SPHKAP: variants seen among roughly 807,000 people sequenced by gnomAD.
SPHKAP encodes A-kinase anchor protein SPHKAP.
A neutral mutation model predicts 137.5 loss-of-function variants in SPHKAP; 67 were observed. The ratio of observed to expected loss-of-function variants is 0.49; its 90% CI spans 0.40 to 0.60. SPHKAP has a LOEUF of 0.60. SPHKAP is among the 20% of genes least tolerant of loss of function. SPHKAP has a pLI of 0.00. For synonymous variants in SPHKAP, 813 were observed against 785.3 expected (o/e 1.04, Z -0.59); for missense variants, 2,097 against 2,069.3 (o/e 1.01, Z -0.26).
chr2:228,154,712 C>T lies in SPHKAP; in HGVS notation c.33-22627G>A, dbSNP rs754121438. Among the ~76,000 whole-genome samples the T allele has an allele frequency of 1.4e-4, 14 of 101,238 alleles. 1 individual carries two copies. In the East Asian group the frequency reaches 4.4e-3, roughly 32 times the overall value. 66.4% of individuals were successfully genotyped at this position (101,238 alleles called of 152,430 possible). A position where few individuals can be genotyped will look rare whatever the true frequency, so the allele number is the denominator to read the frequency against. ...TACAGGCGCCTGCCACCATGCCTGG[C>T]TAATTTTTTTTTTTTTTTTTGTATT... is the stretch of plus-strand genomic sequence containing the variant. On this transcript the variant is annotated intron_variant, in intron 1 of 11. Transcript: ENST00000392056.
intron 7 of SPHKAP, among the ~76,000 whole-genome samples, chr2:228,001,819 G>T (rs1202975403): frequency 1.3e-5 from 2 of 151,966 alleles, no homozygotes; most frequent in East Asian, 3.9e-4. Context: ...AACGTGAAGT[G>T]TTTGGTTTTT....
At chr2:228,092,932 T>C (rs1489827730) in intron 3 of SPHKAP, among the ~76,000 whole-genome samples, 1 of 152,036 alleles carries the variant, frequency 6.6e-6, no homozygotes, top group East Asian at 1.9e-4. Context: ...GGTTGAGGGA[T>C]AAGAGACTAC....
intron 1 of SPHKAP, among the ~76,000 whole-genome samples, chr2:228,150,193 C>CT (rs1342494533): frequency 6.6e-6 from 1 of 152,106 alleles, no homozygotes; most frequent in East Asian, 1.9e-4. Context: ...ACAATATTAT[C>CT]TTTTTCACAC....
At chr2:228,080,577 G>C (rs1215830281) in intron 3 of SPHKAP, among the ~76,000 whole-genome samples, 1 of 151,994 alleles carries the variant, frequency 6.6e-6, no homozygotes, top group Non-Finnish European at 1.5e-5. Context: ...CATGTTGGTG[G>C]GCACTTGTAA....
chr2:228,056,585 A>AAT (rs1490461004), intron 3 of SPHKAP, among the ~76,000 whole-genome samples: 2 of 135,512 alleles, frequency 1.5e-5, no homozygotes, highest in African/African-American at 6.8e-5. Context: ...TAAATGAGCA[A>AAT]AAAAAAAAAA....
At chr2:228,138,949 C>T (rs1263278081) in intron 1 of SPHKAP, among the ~76,000 whole-genome samples, 1 of 138,524 alleles carries the variant, frequency 7.2e-6, no homozygotes, top group East Asian at 2.2e-4. Flanking sequence ...AATGTTGTTG[C>T]AGACCTGAGT....
intron 3 of SPHKAP, among the ~76,000 whole-genome samples, chr2:228,030,071 T>C (rs531931921): frequency 1.3e-5 from 2 of 152,164 alleles, no homozygotes; most frequent in African/African-American, 4.8e-5. Context: ...TCTCCACATT[T>C]GCTACCTGAA....
intron 2 of SPHKAP, among the ~76,000 whole-genome samples, chr2:228,113,805 C>G (rs1456723547): frequency 1.3e-5 from 2 of 152,024 alleles, no homozygotes; most frequent in Non-Finnish European, 2.9e-5. Flanking sequence ...ATGTAAGTCT[C>G]CTCCTCCCTT....
chr2:228,130,268 C>A (rs1699208735), intron 2 of SPHKAP, among the ~76,000 whole-genome samples: 1 of 152,028 alleles, frequency 6.6e-6, no homozygotes, highest in Non-Finnish European at 1.5e-5. Context: ...ATGGTAATAC[C>A]TATATGGAAT....
chr2:228,054,814 T>A (rs923081057), intron 3 of SPHKAP, among the ~76,000 whole-genome samples: 2 of 152,016 alleles, frequency 1.3e-5, no homozygotes, highest in African/African-American at 2.4e-5. Context: ...TTAATTAGTA[T>A]ACTGACGTCT....
At chr2:228,128,788 T>C (rs1198514663) in intron 2 of SPHKAP, among the ~76,000 whole-genome samples, 1 of 152,214 alleles carries the variant, frequency 6.6e-6, no homozygotes, top group Non-Finnish European at 1.5e-5. Context: ...AGTGACCAGA[T>C]TCATTGTCAA....
chr2:228,144,129 G>A (rs1339734366), intron 1 of SPHKAP, among the ~76,000 whole-genome samples: 1 of 152,108 alleles, frequency 6.6e-6, no homozygotes, highest in Non-Finnish European at 1.5e-5. Flanking sequence ...CCTTCTCAAT[G>A]AGACTTCCTC....
In SPHKAP at chr2:228,103,246, G is replaced by T. The variant is rs930691704; in HGVS notation, c.246+5586C>A. On this transcript the variant is annotated intron_variant, in intron 3 of 11. Coordinates refer to ENST00000392056, the MANE Select transcript of SPHKAP (RefSeq NM_001142644.2). ...ATAAAGTTTAGTAGAAATTTCATTT[G>T]ACTGAAAGTCAGAAAGTTTCTTCTG... Among the ~76,000 whole-genome samples, 9 of 152,102 alleles carry T rather than the reference G, an allele frequency of 5.9e-5. No individual in the cohort carries two copies. The South Asian group carries it at 1.7e-3, about 28-fold the overall frequency.
chr2:228,034,899 C>G (rs894423430), intron 3 of SPHKAP, among the ~76,000 whole-genome samples: 10 of 151,710 alleles, frequency 6.6e-5, no homozygotes, highest in African/African-American at 2.4e-4. Context: ...TGAGAGCTAT[C>G]TATGACAAAC....
intron 3 of SPHKAP, among the ~76,000 whole-genome samples, chr2:228,092,137 G>GTATA (rs1199255501): frequency 7.1e-6 from 1 of 141,130 alleles, no homozygotes; most frequent in African/African-American, 2.6e-5. Flanking sequence ...GTATATGTGT[G>GTATA]TACACATATA....
At chr2:228,113,606 T>C (rs1342752645) in intron 2 of SPHKAP, among the ~76,000 whole-genome samples, 1 of 32,034 alleles carries the variant, frequency 3.1e-5, no homozygotes, top group Non-Finnish European at 5.4e-5. Flanking sequence ...TTTAGCCATC[T>C]CTCTCTCTCT....
chr2:228,105,489 A>G (rs1231175765), intron 3 of SPHKAP, among the ~76,000 whole-genome samples: 1 of 152,236 alleles, frequency 6.6e-6, no homozygotes, highest in Non-Finnish European at 1.5e-5. Context: ...AAATTAGAAA[A>G]AGAAATAAAA....
At chr2:228,072,131 ATCT>A (rs1282785015) in intron 3 of SPHKAP, among the ~76,000 whole-genome samples, 1 of 152,118 alleles carries the variant, frequency 6.6e-6, no homozygotes, top group Non-Finnish European at 1.5e-5. Flanking sequence ...TGAAACATTG[ATCT>A]TCTACTTTTT....
chr2:228,021,736 TTCC>T lies in SPHKAP; in HGVS notation c.669_671del (p.Glu224del), dbSNP rs778208451. 19 of 1,613,590 alleles carry T rather than the reference TTCC, an allele frequency of 1.2e-5. No homozygotes were observed. The Middle Eastern group carries it at 6.6e-4, about 56-fold the overall frequency. On this transcript the variant is annotated inframe_deletion, in exon 6 of 12. Transcript: ENST00000392056. ...CGTTCCTAGATTCATCCACCTCGCT[TTCC>T]TCCTCCAAGTGCTCAGAAGCGGTGA... is the stretch of plus-strand genomic sequence containing the variant.
Sources: gnomAD v4.1 joint callset for allele counts (sites outside exome capture counted in the v4.1 genomes callset) on GRCh38, gnomAD v4.1.1 for gene constraint, MANE v1.5 for transcripts, NCBI Gene and HGNC (gene_info 2026-07-23, HGNC 2026-07-21) for gene names.